ZNF653: variants seen among roughly 807,000 people sequenced by gnomAD.
ZNF653 encodes the protein zinc finger protein 653, also known as 67 kDa zinc finger protein.
ZNF653 carries 37 observed loss-of-function variants against 59.9 expected under a neutral mutation model. The ratio of observed to expected loss-of-function variants is 0.62; its 90% CI spans 0.48 to 0.81. The LOEUF is 0.81. Ranked by LOEUF, ZNF653 falls within the 40% of genes least tolerant of loss-of-function variation. The pLI is 0.00. For synonymous variants in ZNF653, 435 were observed against 371.8 expected, an observed-to-expected ratio of 1.17 and a Z score of -1.96; for missense variants, 808 against 881.1, an observed-to-expected ratio of 0.92 and a Z score of 1.05.
At chr19:11,505,383 C>T in intron 1 of ZNF653, 105 bp downstream of exon 1, 1 of 1,209,504 alleles carries the variant, frequency 8.3e-7, no homozygotes, top group Non-Finnish European at 1.1e-6. Flanking sequence ...TGGGCGGGGT[C>T]CGCAGGTGCC....
chr19:11,495,859 G>T lies in ZNF653; in HGVS notation c.559+91C>A. On this transcript the variant is annotated intron_variant, in intron 3 of 8. Coordinates refer to ENST00000293771, the MANE Select transcript of ZNF653 (RefSeq NM_138783.4). This position sits in a 1 kb window ranked among gnomAD's most constrained non-coding sequence, Gnocchi z 4.9. ...CAGAGCCAGAGCCAGAGCCACTGTG[G>T]CTGCTATTCTGTTTGTGATGCTAGC... The T allele has an allele frequency of 7.6e-7, 1 of 1,322,928 alleles. No individual in the cohort carries two copies. Among genetic ancestry groups the T allele is most frequent in the Non-Finnish European group, 1.0e-6 (1 of 960,716 alleles). The allele number at this position is 1,322,928 out of a possible 1,614,324, so 81.9% of individuals were successfully genotyped here.
intron 3 of ZNF653, among the ~76,000 whole-genome samples, chr19:11,493,237 T>C (rs1971547526): frequency 6.6e-6 from 1 of 151,494 alleles, no homozygotes; most frequent in African/African-American, 2.4e-5. Context: ...TTTGTATTTT[T>C]AGTAGAGATG....
intron 1 of ZNF653, 51 bp from the exon 2 acceptor site, chr19:11,498,390 G>A: frequency 6.2e-7 from 1 of 1,612,598 alleles, no homozygotes; most frequent in African/African-American, 1.3e-5. Flanking sequence ...CGCTGGGCCT[G>A]TCTGACCCAT....
At chr19:11,498,600 C>A (rs996421705) in intron 1 of ZNF653, among the ~76,000 whole-genome samples, 1 of 151,684 alleles carries the variant, frequency 6.6e-6, no homozygotes, top group African/African-American at 2.4e-5. Flanking sequence ...CACGCCACCA[C>A]ACCTGGCTAA....
chr19:11,487,401 C>T lies in ZNF653; in HGVS notation c.1062G>A (p.Val354=). Reference sequence around the variant, plus strand: ...CCACACCCTCCATCATGGCACAGGGCACCTCCTCGCCCAGTCCACTGCCGG... The same window carrying T: ...CCACACCCTCCATCATGGCACAGGGTACCTCCTCGCCCAGTCCACTGCCGG... ...GVPGSGLGEE[V]PCAMMEGVAA... is the part of the protein sequence containing the mutation. Residue 354 remains valine, a synonymous_variant, in exon 4 of 9, where the codon GTG becomes GTA. Coordinates refer to ENST00000293771, the MANE Select transcript of ZNF653 (RefSeq NM_138783.4). This position sits in a 1 kb window ranked among gnomAD's most constrained non-coding sequence, Gnocchi z 5.1. 2.5e-6 allele frequency: 4 copies of T among 1,612,246 alleles called. No individual in the cohort carries two copies. Among genetic ancestry groups the T allele is most frequent in the Non-Finnish European group, 3.4e-6 (4 of 1,179,918 alleles).
Position 11,496,015 on chromosome 19 carries a change from C to T in ZNF653, c.494G>A (p.Arg165His), listed in dbSNP as rs754655479. 29 of 1,614,042 alleles carry T rather than the reference C, an allele frequency of 1.8e-5. No individual in the cohort carries two copies. Among genetic ancestry groups the T allele is most frequent in the Non-Finnish European group, 2.4e-5 (28 of 1,180,020 alleles). The change falls in exon 3 of 9, where the codon CGC (arginine) becomes CAC (histidine). Residue 165 changes from arginine to histidine, a missense_variant. Physicochemically the swap from Arg to His is conservative, Grantham distance 29. Coordinates refer to ENST00000293771, the MANE Select transcript of ZNF653 (RefSeq NM_138783.4). ...TAVWQCEAGHRYFQDLHSPLK... is the reference protein window; with the variant it reads ...TAVWQCEAGHHYFQDLHSPLK... ...GGGCGAATGCAGGTCCTGGAAGTAG[C>T]GGTGGCCAGCTTCGCACTGCCACAC...
At position 11,495,166 on chromosome 19, in the gene ZNF653, C is replaced by T. The variant is rs1040144578; in HGVS notation, c.559+784G>A. On this transcript the variant is annotated intron_variant, in intron 3 of 8. Transcript: ENST00000293771. The surrounding 1 kb of genome is among the most constrained non-coding windows in gnomAD (Gnocchi z 4.9). ...ACAGGACGCCTGGCAGTGTGCCCTA[C>T]GCTCCTTCTCCAGCCATTGCCGAAC... Among the ~76,000 whole-genome samples, 2 of 152,172 alleles carry T rather than the reference C, an allele frequency of 1.3e-5. No homozygotes were observed. Among genetic ancestry groups the T allele is most frequent in the East Asian group, 3.9e-4 (2 of 5,184 alleles).
At chr19:11,498,410 C>T in intron 1 of ZNF653, 71 bp from the exon 2 acceptor site, 2 of 1,600,598 alleles carry the variant, frequency 1.2e-6, no homozygotes, top group Non-Finnish European at 1.7e-6. Flanking sequence ...TGAGTAACAA[C>T]AGTGGCTAGA....
intron 2 of ZNF653, among the ~76,000 whole-genome samples, chr19:11,497,714 TCA>T (rs1971603157): frequency 6.6e-6 from 1 of 152,214 alleles, no homozygotes; most frequent in Admixed American, 6.5e-5. Context: ...GGGAATGTGC[TCA>T]CAGTCTCCAA....
Position 11,505,816 on chromosome 19 carries a change from G to C in ZNF653, c.-30C>G. ...CCCACCCTGGTTACCAGCCTCCCCCGTTGTTAGGAGCCAGACCGGAAGTGG... is the reference window on the plus strand; with the variant it reads ...CCCACCCTGGTTACCAGCCTCCCCCCTTGTTAGGAGCCAGACCGGAAGTGG... On this transcript the variant is annotated 5_prime_UTR_variant, in exon 1 of 9. Transcript: ENST00000293771. 4 of 1,262,412 alleles carry C rather than the reference G, an allele frequency of 3.2e-6. No individual in the cohort carries two copies. The highest frequency in any genetic ancestry group is 4.9e-5 in the Admixed American group (1 of 20,618). 78.2% of individuals were successfully genotyped at this position (1,262,412 alleles called of 1,614,324 possible).
chr19:11,484,168 G>C, intron 7 of ZNF653, 27 bp from the exon 8 acceptor site: 1 of 1,528,470 alleles, frequency 6.5e-7, no homozygotes, highest in Non-Finnish European at 8.9e-7. Context: ...CCGAGGCTGA[G>C]GACGGTGGGC....
Position 11,487,925 on chromosome 19 carries a change from A to C in ZNF653, c.560-22T>G. ...CCCACTGTGGGGACAGAAGAAAGGG[A>C]GTGGTTATGATAGCTGCAGCCACTG... is the stretch of plus-strand genomic sequence containing the variant. On this transcript the variant is annotated intron_variant, in intron 3 of 8. Coordinates refer to ENST00000293771, the MANE Select transcript of ZNF653 (RefSeq NM_138783.4). The surrounding 1 kb of genome is among the most constrained non-coding windows in gnomAD (Gnocchi z 5.1). 1 of 1,545,514 alleles carries C rather than the reference A, an allele frequency of 6.5e-7. No individual in the cohort carries two copies. The highest frequency in any genetic ancestry group is 8.7e-7 in the Non-Finnish European group (1 of 1,147,418).
At chr19:11,486,938 C>T (rs780549186) in intron 5 of ZNF653, 49 bp downstream of exon 5, 12 of 1,610,172 alleles carry the variant, frequency 7.5e-6, no homozygotes, top group Admixed American at 3.3e-5. Flanking sequence ...TGGGGGCCTG[C>T]GGGCCGCTTC....
Position 11,487,882 on chromosome 19 carries a change from C to T in ZNF653, c.581G>A (p.Gly194Asp). 2 of 1,594,788 alleles carry T rather than the reference C, an allele frequency of 1.3e-6. No homozygotes were observed. The highest frequency in any genetic ancestry group is 1.7e-6 in the Non-Finnish European group (2 of 1,168,102). ...SDKVGNGLVA[G>D]SSDSSSSGSA... ...GCCAGAGCTGGATGAGTCAGAGCTGCCAGCCACCAGCCCATTGCCCACTGT... is the reference window on the plus strand; with the variant it reads ...GCCAGAGCTGGATGAGTCAGAGCTGTCAGCCACCAGCCCATTGCCCACTGT... Residue 194 changes from glycine to aspartate, a missense_variant, in exon 4 of 9, where the codon GGC (glycine) becomes GAC (aspartate). Transcript: ENST00000293771. This position sits in a 1 kb window ranked among gnomAD's most constrained non-coding sequence, Gnocchi z 5.1.
Position 11,505,615 on chromosome 19 carries a change from G to T in ZNF653, c.172C>A (p.Arg58=). 1 of 1,503,796 alleles carries T rather than the reference G, an allele frequency of 6.6e-7. No homozygotes were observed. The highest frequency in any genetic ancestry group is 8.8e-7 in the Non-Finnish European group (1 of 1,133,408). The allele number at this position is 1,503,796 out of a possible 1,614,324, so 93.2% of individuals were successfully genotyped here. ...TGCGCCTCGCCCAGGTACACGCGCCGCACGTCGTACTTCTTCCGGGACTCG... is the reference window on the plus strand; with the variant it reads ...TGCGCCTCGCCCAGGTACACGCGCCTCACGTCGTACTTCTTCCGGGACTCG... The part of the protein sequence containing the change: ...RLESRKKYDV[R]RVYLGEAHGP... Residue 58 remains arginine, a synonymous_variant, in exon 1 of 9, where the codon CGG becomes AGG. Coordinates refer to ENST00000293771, the MANE Select transcript of ZNF653 (RefSeq NM_138783.4).
In ZNF653 at chr19:11,487,400, G is replaced by A; in HGVS notation, c.1063C>T (p.Pro355Ser). 6.2e-7 allele frequency: 1 copy of A among 1,612,142 alleles called. No homozygotes were observed. Among genetic ancestry groups the A allele is most frequent in the Non-Finnish European group, 8.5e-7 (1 of 1,179,906 alleles). The change falls in exon 4 of 9, where the codon CCC (proline) becomes TCC (serine). Residue 355 changes from proline to serine, a missense_variant. Physicochemically the swap from Pro to Ser is moderately conservative, Grantham distance 74. Coordinates refer to ENST00000293771, the MANE Select transcript of ZNF653 (RefSeq NM_138783.4). This position sits in a 1 kb window ranked among gnomAD's most constrained non-coding sequence, Gnocchi z 5.1. ...VPGSGLGEEV[P>S]CAMMEGVAAY... ...GCCACACCCTCCATCATGGCACAGG[G>A]CACCTCCTCGCCCAGTCCACTGCCG...
chr19:11,490,553 A>ATT (rs59221206), intron 3 of ZNF653, among the ~76,000 whole-genome samples: 5 of 147,322 alleles, frequency 3.4e-5, no homozygotes, highest in African/African-American at 1.2e-4. Context: ...TGTCAGGCTA[A>ATT]TTTTTTTTTT....
chr19:11,502,121 T>C (rs1355748715), intron 1 of ZNF653, among the ~76,000 whole-genome samples: 1 of 150,356 alleles, frequency 6.7e-6, no homozygotes, highest in Non-Finnish European at 1.5e-5. Flanking sequence ...TGAGACAGTC[T>C]TGCTCTATTG....
chr19:11,483,703 G>C lies in ZNF653; in HGVS notation c.1827C>G (p.His609Gln). ...TGGGTCAGGTGGGCTTGTGATCCGG[G>C]TGGCTTTTGAGCGTGTGGAACTTGA... is the stretch of plus-strand genomic sequence containing the variant. ...DSVKFHTLKS[H>Q]PDHKPT is the part of the protein sequence containing the mutation. Residue 609 changes from histidine (H) to glutamine (Q), a missense_variant, in exon 9 of 9, where the codon CAC (histidine) becomes CAG (glutamine). Transcript: ENST00000293771. The C allele has an allele frequency of 6.2e-7, 1 of 1,613,216 alleles. No homozygotes were observed. The highest frequency in any genetic ancestry group is 1.1e-5 in the South Asian group (1 of 91,078).
Sources: gnomAD v4.1 joint callset for allele counts (sites outside exome capture counted in the v4.1 genomes callset) on GRCh38, gnomAD v4.1.1 for gene constraint, Gnocchi (gnomAD v3.1) non-coding constraint, MANE v1.5 for transcripts, NCBI Gene and HGNC (gene_info 2026-07-23, HGNC 2026-07-21) for gene names.